The following NR3C1 variants were observed in gnomAD, a reference collection of about 807,000 sequenced individuals.
The protein encoded by NR3C1 is nuclear receptor subfamily 3 group C member 1.
NR3C1 carries 14 observed loss-of-function variants against 74.0 expected under a neutral mutation model. The ratio of observed to expected loss-of-function variants is 0.19; its 90% confidence interval spans 0.12 to 0.30. The LOEUF (loss-of-function observed/expected upper bound fraction) is 0.30, where lower values mean the gene tolerates loss of function less well. NR3C1 is among the 10% of genes least tolerant of loss of function. NR3C1 has a pLI of 1.00. For missense variants in NR3C1, 695 were observed against 909.8 expected (o/e 0.76, Z 3.04); for synonymous variants, 308 against 332.5 (o/e 0.93, Z 0.80).
At chr5:143,351,716 T>C (rs1830256013) in intron 2 of NR3C1, among the ~76,000 whole-genome samples, 1 of 152,236 alleles carries the variant, frequency 6.6e-6, no homozygotes, top group African/African-American at 2.4e-5. Flanking sequence ...TATTTTATAT[T>C]CTCAGCTAAG....
chr5:143,418,095 A>G (rs1355583025), intron 1 of NR3C1, among the ~76,000 whole-genome samples: 1 of 152,234 alleles, frequency 6.6e-6, no homozygotes, highest in Admixed American at 6.5e-5. Context: ...TTGCCAAGAA[A>G]CCAGACTGAA....
chr5:143,366,023 A>C (rs1833114966), intron 2 of NR3C1, among the ~76,000 whole-genome samples: 1 of 152,246 alleles, frequency 6.6e-6, no homozygotes, highest in South Asian at 2.1e-4. Context: ...ATTTCTGAGA[A>C]GGAAATTCAT....
At position 143,402,674 on chromosome 5, in the gene NR3C1, G is replaced by C. The variant is rs921809026; in HGVS notation, c.-14+537C>G. Reference sequence around the variant, plus strand: ...GCCCCGGCCGCAGTCTCCAAGTTGCGGGCTGTCAGCCCCCCGCGTGTGCAC... The same window carrying C: ...GCCCCGGCCGCAGTCTCCAAGTTGCCGGCTGTCAGCCCCCCGCGTGTGCAC... On this transcript the variant is annotated intron_variant, in intron 1 of 8. Coordinates refer to ENST00000394464, the MANE Select transcript of NR3C1 (RefSeq NM_000176.3). The C allele has an allele frequency of 2.8e-5, 28 of 985,416 alleles. No homozygotes were observed. In the South Asian group the frequency reaches 1.1e-3, roughly 40 times the overall value. The allele number at this position is 985,416 out of a possible 1,614,324, so 61.0% of individuals were successfully genotyped here.
intron 2 of NR3C1, among the ~76,000 whole-genome samples, chr5:143,334,582 A>G (rs1473228042): frequency 6.6e-6 from 1 of 152,140 alleles, no homozygotes; most frequent in Non-Finnish European, 1.5e-5. Context: ...CATTTGTAGA[A>G]GGCTCCCTGA....
intron 5 of NR3C1, 40 bp from the exon 6 acceptor site, chr5:143,298,852 A>G (rs762063889): frequency 3.1e-6 from 5 of 1,603,202 alleles, no homozygotes; most frequent in Non-Finnish European, 4.3e-6. Context: ...AACACTCTTC[A>G]GAAGATCATC....
chr5:143,342,408 G>A (rs946323641), intron 2 of NR3C1, among the ~76,000 whole-genome samples: 3 of 152,338 alleles, frequency 2.0e-5, no homozygotes, highest in Non-Finnish European at 4.4e-5. Context: ...CAAGGTGGTG[G>A]CTCTGTGAGA....
At chr5:143,363,538 A>T (rs144542377) in intron 2 of NR3C1, among the ~76,000 whole-genome samples, 1 of 151,926 alleles carries the variant, frequency 6.6e-6, no homozygotes, top group Admixed American at 6.6e-5. Flanking sequence ...GTGCCACTGC[A>T]CTCCAGCCTG....
chr5:143,426,408 AATT>A (rs1487449319), intron 1 of NR3C1, among the ~76,000 whole-genome samples: 2 of 152,240 alleles, frequency 1.3e-5, no homozygotes, highest in Non-Finnish European at 2.9e-5. Flanking sequence ...TCATAACAAA[AATT>A]ATTAACCAAC....
chr5:143,356,394 A>T (rs1237852094), intron 2 of NR3C1, among the ~76,000 whole-genome samples: 2 of 152,138 alleles, frequency 1.3e-5, no homozygotes, highest in African/African-American at 4.8e-5. Flanking sequence ...GAAAATAGAA[A>T]AAATGAACCC....
chr5:143,413,663 C>A (rs1031826142), intron 1 of NR3C1, among the ~76,000 whole-genome samples: 1 of 152,156 alleles, frequency 6.6e-6, no homozygotes, highest in Non-Finnish European at 1.5e-5. Context: ...GGAAAGAGTT[C>A]TTTTCCCATA....
chr5:143,367,845 TCC>T (rs1338643120), intron 2 of NR3C1, among the ~76,000 whole-genome samples: 3 of 152,230 alleles, frequency 2.0e-5, no homozygotes, highest in African/African-American at 4.8e-5. Context: ...TTCAATGCAA[TCC>T]CTATCTGAAC....
At chr5:143,397,790 A>G (rs1839500528) in intron 2 of NR3C1, among the ~76,000 whole-genome samples, 1 of 151,968 alleles carries the variant, frequency 6.6e-6, no homozygotes, top group Non-Finnish European at 1.5e-5. Context: ...TTATGTCATG[A>G]AGTACTATAA....
In NR3C1 at chr5:143,400,689, C is replaced by G; in HGVS notation, c.151G>C (p.Ala51Pro). 2.4e-5 allele frequency: 38 copies of G among 1,614,054 alleles called. No homozygotes were observed. Among genetic ancestry groups the G allele is most frequent in the Non-Finnish European group, 3.2e-5 (38 of 1,179,928 alleles). Residue 51 changes from alanine (A) to proline (P), a missense_variant, in exon 2 of 9, where the codon GCT becomes CCT. Ala to Pro is a conservative substitution (Grantham distance 27). Transcript: ENST00000394464. ...VSASSPSLAV[A>P]SQSDSKQRRL... The stretch of plus-strand genomic sequence containing the variant: ...CGCTGCTTGGAGTCTGATTGAGAAG[C>G]GACAGCCAGTGAGGGTGAAGACGCA...
intron 2 of NR3C1, among the ~76,000 whole-genome samples, chr5:143,320,874 C>A (rs1002203011): frequency 6.6e-6 from 1 of 152,182 alleles, no homozygotes; most frequent in Admixed American, 6.5e-5. Flanking sequence ...AGACCCCAAG[C>A]ACTCCCTTCT....
intron 2 of NR3C1, among the ~76,000 whole-genome samples, chr5:143,373,907 G>A (rs1034432927): frequency 6.6e-6 from 1 of 152,002 alleles, no homozygotes; most frequent in Admixed American, 6.6e-5. Context: ...ATTTTCCTAT[G>A]TGTATGAAAT....
At chr5:143,397,204 T>C (rs988170662) in intron 2 of NR3C1, among the ~76,000 whole-genome samples, 1 of 151,872 alleles carries the variant, frequency 6.6e-6, no homozygotes, top group African/African-American at 2.4e-5. Context: ...AAAACAATTT[T>C]AGGTGGCATT....
chr5:143,432,025 G>C (rs1046623574), intron 1 of NR3C1, among the ~76,000 whole-genome samples: 1 of 152,226 alleles, frequency 6.6e-6, no homozygotes, highest in Non-Finnish European at 1.5e-5. Flanking sequence ...CCTTGGTGGG[G>C]GTGGAGGAGC....
chr5:143,399,101 T>C (rs1268253888), intron 2 of NR3C1, among the ~76,000 whole-genome samples: 1 of 152,236 alleles, frequency 6.6e-6, no homozygotes, highest in Non-Finnish European at 1.5e-5. Flanking sequence ...GTTCACTGCA[T>C]TGCTTTAGCA....
At chr5:143,288,188 G>A (rs919760378) in intron 7 of NR3C1, among the ~76,000 whole-genome samples, 21 of 150,472 alleles carry the variant, frequency 1.4e-4, no homozygotes, top group African/African-American at 4.2e-4. Context: ...GCACAATCTC[G>A]GCTTACTGCA....
Sources: allele counts gnomAD v4.1 joint callset (sites outside exome capture counted in the v4.1 genomes callset), GRCh38; gene constraint gnomAD v4.1.1; transcripts MANE v1.5; gene names NCBI Gene and HGNC (gene_info 2026-07-23, HGNC 2026-07-21).